Variants in DENND4C observed in about 807,000 individuals in gnomAD.
DENND4C encodes DENN domain-containing protein 4C.
In DENND4C, 108 loss-of-function variants were observed where a neutral mutation model predicts 203.0. The ratio of observed to expected loss-of-function variants is 0.53; its 90% CI spans 0.46 to 0.62. The LOEUF is 0.62. DENND4C is among the 20% of genes least tolerant of loss of function. The probability of loss-of-function intolerance (pLI) is 0.00; values close to 1 mark genes in which losing one functional copy is unlikely to be tolerated. For synonymous variants in DENND4C, 871 were observed against 792.4 expected (o/e 1.10, Z -1.67); for missense variants, 2,481 against 2,301.2 (o/e 1.08, Z -1.60).
intron 10 of DENND4C, among the ~76,000 whole-genome samples, chr9:19,305,742 T>C (rs2131379744): frequency 6.6e-6 from 1 of 152,312 alleles, no homozygotes; most frequent in Non-Finnish European, 1.5e-5. Context: ...TATATTTGGG[T>C]AACAATATTA....
chr9:19,285,181 A>G (rs1834939664), intron 2 of DENND4C, among the ~76,000 whole-genome samples: 1 of 152,130 alleles, frequency 6.6e-6, no homozygotes, highest in African/African-American at 2.4e-5. Flanking sequence ...CCTTCATGAT[A>G]GACTAGATTT....
chr9:19,299,316 T>G, intron 8 of DENND4C, 29 bp downstream of exon 8: 1 of 1,459,340 alleles, frequency 6.9e-7, no homozygotes, highest in Non-Finnish European at 9.3e-7. Context: ...AATGATATAT[T>G]TATTCAGTTG....
intron 30 of DENND4C, among the ~76,000 whole-genome samples, chr9:19,362,235 C>T (rs1233750876): frequency 6.6e-6 from 1 of 152,154 alleles, no homozygotes; most frequent in African/African-American, 2.4e-5. Flanking sequence ...GATCATGCCA[C>T]TGCACTCCAG....
At chr9:19,269,956 C>G (rs1227806514) in intron 1 of DENND4C, among the ~76,000 whole-genome samples, 5 of 152,162 alleles carry the variant, frequency 3.3e-5, no homozygotes, top group Admixed American at 2.6e-4. Context: ...TCCTTGGTCT[C>G]TATAGCCGTA....
rs572499798 is a variant in DENND4C, at chr9:19,265,980, A to T, written c.-17-10178A>T. On this transcript the variant is annotated intron_variant, in intron 1 of 32. Transcript: ENST00000434457. ...CTTTGGGTATATACCCAGTAATGGG[A>T]TGGCTGGGTCAAATGGTATTTCTAG... Among the ~76,000 whole-genome samples, 7 of 152,294 alleles carry T rather than the reference A, an allele frequency of 4.6e-5. No individual in the cohort carries two copies. In the South Asian group the frequency reaches 1.5e-3, roughly 32 times the overall value.
intron 13 of DENND4C, among the ~76,000 whole-genome samples, chr9:19,325,003 C>T (rs767664041): frequency 2.6e-5 from 4 of 152,064 alleles, no homozygotes; most frequent in Non-Finnish European, 2.9e-5. Flanking sequence ...CAGGATGAGC[C>T]GCCATGCCCA....
chr9:19,310,987 G>A (rs1158466049), intron 10 of DENND4C, among the ~76,000 whole-genome samples: 1 of 152,156 alleles, frequency 6.6e-6, no homozygotes, highest in East Asian at 1.9e-4. Context: ...TTGGCCTGAT[G>A]TATGGCTTTT....
chr9:19,291,786 T>A (rs1384477997), intron 5 of DENND4C, among the ~76,000 whole-genome samples: 3 of 151,466 alleles, frequency 2.0e-5, no homozygotes, highest in African/African-American at 7.3e-5. Context: ...ACCTTAAATG[T>A]GGTACATACA....
At chr9:19,352,410 A>C (rs1824355743) in intron 25 of DENND4C, 80 bp from the exon 26 acceptor site, 1 of 1,381,974 alleles carries the variant, frequency 7.2e-7, no homozygotes, top group African/African-American at 1.5e-5. Context: ...GAATAAAAAA[A>C]ATCCCATTAT....
At chr9:19,370,132 A>G in intron 31 of DENND4C, 145 bp downstream of exon 31, 3 of 975,792 alleles carry the variant, frequency 3.1e-6, no homozygotes, top group South Asian at 1.4e-5. Flanking sequence ...ACACAGATAT[A>G]TACATTCCTA....
At chr9:19,337,018 T>C (rs967448771) in intron 20 of DENND4C, among the ~76,000 whole-genome samples, 186 bp downstream of exon 20, 1 of 152,218 alleles carries the variant, frequency 6.6e-6, no homozygotes, top group Non-Finnish European at 1.5e-5. Context: ...AAAATTAGTA[T>C]GGGAGTGCTG....
chr9:19,311,945 T>C (rs954357597), intron 10 of DENND4C, among the ~76,000 whole-genome samples: 4 of 152,180 alleles, frequency 2.6e-5, no homozygotes, highest in African/African-American at 9.7e-5. Context: ...ATCCTAACAT[T>C]TTATTTTGTA....
intron 1 of DENND4C, among the ~76,000 whole-genome samples, chr9:19,267,166 G>A (rs191457681): frequency 5.3e-4 from 80 of 152,246 alleles, no homozygotes; most frequent in Middle Eastern, 3.4e-3. Context: ...ATGTTTCTTA[G>A]TTTTATGTCT....
At chr9:19,251,933 G>C (rs1473725158) in intron 1 of DENND4C, among the ~76,000 whole-genome samples, 1 of 152,108 alleles carries the variant, frequency 6.6e-6, no homozygotes, top group East Asian at 1.9e-4. Context: ...CTCTCCTTCT[G>C]AGCCCTCCAA....
intron 2 of DENND4C, among the ~76,000 whole-genome samples, chr9:19,282,023 G>C (rs947417838): frequency 6.6e-6 from 1 of 152,026 alleles, no homozygotes; most frequent in Admixed American, 6.6e-5. Flanking sequence ...TGAATATGAA[G>C]GCCTAGGACA....
intron 16 of DENND4C, among the ~76,000 whole-genome samples, chr9:19,328,607 C>G (rs902157083): frequency 8.0e-5 from 12 of 150,006 alleles, no homozygotes; most frequent in African/African-American, 2.0e-4. Flanking sequence ...GAGTGAAACT[C>G]CATCTCAAAA....
At chr9:19,367,904 G>C (rs1828019661) in intron 30 of DENND4C, among the ~76,000 whole-genome samples, 1 of 152,156 alleles carries the variant, frequency 6.6e-6, no homozygotes, top group Non-Finnish European at 1.5e-5. Context: ...AGCATAGATT[G>C]TATTATTCCA....
rs146413357 is a variant in DENND4C at position 19,291,692 on chromosome 9, G to A, written c.801+816G>A. Among the ~76,000 whole-genome samples, 721 of 123,062 alleles carry A rather than the reference G, an allele frequency of 5.9e-3. 7 individuals are homozygous for A. Among genetic ancestry groups the A allele is most frequent in the African/African-American group, 0.02 (681 of 34,056 alleles). The allele number at this position is 123,062 out of a possible 152,430, so 80.7% of individuals were successfully genotyped here. A position where few individuals can be genotyped will look rare whatever the true frequency, so the allele number is the denominator to read the frequency against. The stretch of plus-strand genomic sequence containing the variant: ...TGCACTCCAGCCTAGGCTACAGAGC[G>A]ATACTCTTTCTAAAAAAAAAAAAAA... On this transcript the variant is annotated intron_variant, in intron 5 of 32. Coordinates refer to ENST00000434457, the MANE Select transcript of DENND4C (RefSeq NM_001330640.2).
Position 19,372,045 on chromosome 9 carries a change from G to C in DENND4C, c.5749G>C (p.Asp1917His). 6.2e-7 allele frequency: 1 copy of C among 1,602,078 alleles called. No individual in the cohort carries two copies. Among genetic ancestry groups the C allele is most frequent in the Non-Finnish European group, 8.5e-7 (1 of 1,175,564 alleles). The change falls in exon 33 of 33, where the codon GAC becomes CAC. Residue 1917 changes from aspartate to histidine, a missense_variant. This residue lies in a region of DENND4C where 2,289 missense variants were observed against 2,113.3 expected (regional missense o/e 1.08). Transcript: ENST00000434457. Reference protein sequence around the residue: ...GRENIDIEAFDNEYGIAYNSL... With the variant: ...GRENIDIEAFHNEYGIAYNSL... ...TTGAAAATTTCTTTCAGAGGCATTT[G>C]ACAATGAATATGGAATTGCATACAA...
Sources: allele counts gnomAD v4.1 joint callset (sites outside exome capture counted in the v4.1 genomes callset), GRCh38; gene constraint gnomAD v4.1.1; regional missense constraint gnomAD v4.1.1; transcripts MANE v1.5; gene names NCBI Gene and HGNC (gene_info 2026-07-23, HGNC 2026-07-21).